The following FER1L5 variants were observed in gnomAD, a reference collection of about 807,000 sequenced individuals.
FER1L5 encodes fer-1-like protein 5.
In FER1L5, 187 loss-of-function variants were observed where a neutral mutation model predicts 279.9. That is an observed-to-expected ratio of 0.67 (90% confidence interval 0.59 to 0.75). The LOEUF (loss-of-function observed/expected upper bound fraction) is 0.75. Ranked by LOEUF, FER1L5 falls within the 30% of genes least tolerant of loss-of-function variation. FER1L5 has a pLI of 0.00. For synonymous variants in FER1L5, 921 were observed against 989.7 expected, an observed-to-expected ratio of 0.93 and a Z score of 1.30; for missense variants, 2,091 against 2,594.4, an observed-to-expected ratio of 0.81 and a Z score of 4.21.
intron 1 of FER1L5, among the ~76,000 whole-genome samples, chr2:96,643,474 G>A (rs983158797): frequency 5.3e-5 from 8 of 151,904 alleles, no homozygotes; most frequent in Non-Finnish European, 1.0e-4. Context: ...CTCACCCTCC[G>A]AAGTAGCTGG....
chr2:96,683,522 G>A (rs184401625), intron 19 of FER1L5, among the ~76,000 whole-genome samples: 1,432 of 143,160 alleles, frequency 0.01, 10 homozygotes, highest in Non-Finnish European at 0.015. Context: ...CCCAAATAAG[G>A]CCAGATGCTA....
chr2:96,653,284 AT>A (rs960944118), intron 7 of FER1L5: 2 of 257,154 alleles, frequency 7.8e-6, no homozygotes, highest in Non-Finnish European at 1.5e-5. Context: ...CAAGTTGAGT[AT>A]CCCTTACCCA....
At chr2:96,648,490 C>T (rs1002903545) in intron 4 of FER1L5, among the ~76,000 whole-genome samples, 3 of 152,188 alleles carry the variant, frequency 2.0e-5, no homozygotes, top group Non-Finnish European at 2.9e-5. Flanking sequence ...GAGCCCAAGG[C>T]GGGCCTCCCA....
Position 96,693,187 on chromosome 2 carries a change from G to GA in FER1L5, c.3293-307dup, listed in dbSNP as rs764665784. Among the ~76,000 whole-genome samples the GA allele has an allele frequency of 4.6e-3, 634 of 137,020 alleles. 4 individuals are homozygous for GA. The highest frequency in any genetic ancestry group is 5.1e-3 in the Non-Finnish European group (320 of 62,294). The allele number at this position is 137,020 out of a possible 152,430, so 89.9% of individuals were successfully genotyped here. ...GAAACTCTGACTCAAAAAAAAAAGA[G>GA]AAAAAAAAAAAAGGGCAGTCACAAG... is the stretch of plus-strand genomic sequence containing the variant. On this transcript the variant is annotated intron_variant, in intron 31 of 52. Transcript: ENST00000624922.
chr2:96,659,456 T>TCTTC (rs2075836475), intron 9 of FER1L5, among the ~76,000 whole-genome samples: 1 of 27,434 alleles, frequency 3.6e-5, no homozygotes, highest in East Asian at 7.9e-4. Context: ...TTTCTTTCTT[T>TCTTC]CTTTCTTTCT....
Position 96,691,221 on chromosome 2 carries a change from G to A in FER1L5, c.2775G>A (p.Ser925=), listed in dbSNP as rs570721694. Residue 925 remains serine (S), a synonymous_variant, in exon 28 of 53, where the codon TCG becomes TCA. Coordinates refer to ENST00000624922, the MANE Select transcript of FER1L5 (RefSeq NM_001293083.2). The surrounding 1 kb of genome is among the most constrained non-coding windows in gnomAD (Gnocchi z 6.0). ...AGTATGGAGTGGGGATCCCACCGTC[G>A]GGCCTGCCCCAGGTCTGGAGCCCGG... The part of the protein sequence containing the change: ...GWEYGVGIPP[S]GLPQVWSPVE... 6.5e-6 allele frequency: 10 copies of A among 1,549,952 alleles called. No individual in the cohort carries two copies. Among genetic ancestry groups the A allele is most frequent in the Non-Finnish European group, 8.7e-6 (10 of 1,146,732 alleles).
At chr2:96,668,470 G>A (rs1369742741) in intron 14 of FER1L5, among the ~76,000 whole-genome samples, 1 of 152,116 alleles carries the variant, frequency 6.6e-6, no homozygotes, top group East Asian at 1.9e-4. Context: ...AGAGGTGTAG[G>A]CTGTAGTGAG....
Position 96,653,531 on chromosome 2 carries a change from G to A in FER1L5, c.634-109G>A, listed in dbSNP as rs548731639. Reference sequence around the variant, plus strand: ...CTGTACTTGTAAACCCATTGAAATGGGTAAAGTTGTGGAAAGAAGCACATT... The same window carrying A: ...CTGTACTTGTAAACCCATTGAAATGAGTAAAGTTGTGGAAAGAAGCACATT... On this transcript the variant is annotated intron_variant, in intron 7 of 52. Transcript: ENST00000624922. 7.0e-6 allele frequency: 6 copies of A among 855,868 alleles called. No individual in the cohort carries two copies. The South Asian group carries it at 7.3e-5, about 10-fold the overall frequency. 53.0% of individuals were successfully genotyped at this position (855,868 alleles called of 1,614,324 possible). A position where few individuals can be genotyped will look rare whatever the true frequency, so the allele number is the denominator to read the frequency against.
chr2:96,675,414 T>C (rs1482468572), intron 19 of FER1L5, among the ~76,000 whole-genome samples: 1 of 152,146 alleles, frequency 6.6e-6, no homozygotes, highest in African/African-American at 2.4e-5. Context: ...CCAGCCTTTT[T>C]TAAAAAAATA....
Position 96,661,429 on chromosome 2 carries a change from G to T in FER1L5, c.883G>T (p.Asp295Tyr). The T allele has an allele frequency of 6.4e-7, 1 of 1,551,462 alleles. No homozygotes were observed. Among genetic ancestry groups the T allele is most frequent in the South Asian group, 1.2e-5 (1 of 84,050 alleles). ...CACCATCTATGCCCTCGGTGTGGGA[G>T]ACCAGGCCCTGGTGAGCTGCCCCTA... ...KVTIYALGVG[D>Y]QALIDQKLLY... is the part of the protein sequence containing the mutation. Residue 295 changes from aspartate to tyrosine, a missense_variant, in exon 11 of 53, where the codon GAC becomes TAC. Physicochemically the swap from Asp to Tyr is radical, Grantham distance 160. Coordinates refer to ENST00000624922, the MANE Select transcript of FER1L5 (RefSeq NM_001293083.2).
At position 96,646,373 on chromosome 2, in the gene FER1L5, C is replaced by T. The variant is rs1275397683; in HGVS notation, c.86-28C>T. 4 of 1,550,888 alleles carry T rather than the reference C, an allele frequency of 2.6e-6. No individual in the cohort carries two copies. The African/African-American group carries it at 5.5e-5, about 21-fold the overall frequency. On this transcript the variant is annotated intron_variant, in intron 1 of 52. Transcript: ENST00000624922. ...CAGACGTTGAAATATTTCCTACCAT[C>T]AATGCCAGCCTCTTGGTTTCTTTGC... is the stretch of plus-strand genomic sequence containing the variant.
Position 96,661,747 on chromosome 2 carries a change from C to A in FER1L5, c.974C>A (p.Ala325Asp), listed in dbSNP as rs771529643. The A allele has an allele frequency of 6.4e-7, 1 of 1,551,726 alleles. No homozygotes were observed. ...TCAGCGGTAGTCCCGATCAACATGG[C>A]TTACTTACAGCTCTTCATCTACTGC... ...FKSAVVPINM[A>D]YLQLFIYCAE... The change falls in exon 12 of 53, where the codon GCT (alanine) becomes GAT (aspartate). Residue 325 changes from alanine (A) to aspartate (D), a missense_variant. Transcript: ENST00000624922.
At chr2:96,679,349 G>T (rs1354987581) in intron 19 of FER1L5, among the ~76,000 whole-genome samples, 1 of 151,984 alleles carries the variant, frequency 6.6e-6, no homozygotes, top group Non-Finnish European at 1.5e-5. Flanking sequence ...TCAGCCTCCT[G>T]AGTAGCTGAG....
chr2:96,661,376 G>T lies in FER1L5; in HGVS notation c.830G>T (p.Gly277Val). The change falls in exon 11 of 53, where the codon GGC (glycine) becomes GTC (valine). Residue 277 changes from glycine (G) to valine (V), a missense_variant. Coordinates refer to ENST00000624922, the MANE Select transcript of FER1L5 (RefSeq NM_001293083.2). ...WLGLCQPNNP[G>V]SGVTGYLKVT... ...GGCCTCTGCCAGCCAAATAACCCTG[G>T]CAGTGGTGTGACAGGCTACCTGAAA... 1 of 1,551,650 alleles carries T rather than the reference G, an allele frequency of 6.4e-7. No homozygotes were observed. Among genetic ancestry groups the T allele is most frequent in the South Asian group, 1.2e-5 (1 of 84,058 alleles).
chr2:96,654,582 A>G, intron 9 of FER1L5, 86 bp downstream of exon 9: 1 of 396,870 alleles, frequency 2.5e-6, no homozygotes, highest in Non-Finnish European at 4.4e-6. Flanking sequence ...GTCTAGGGAA[A>G]AGGACTTGGA....
At chr2:96,647,700 G>C (rs1475039218) in intron 3 of FER1L5, 78 bp from the exon 4 acceptor site, 12 of 1,088,124 alleles carry the variant, frequency 1.1e-5, no homozygotes, top group Non-Finnish European at 1.6e-5. Flanking sequence ...ACCGTCTCTA[G>C]CTAAAGCCCT....
chr2:96,647,877 G>A lies in FER1L5; in HGVS notation c.330G>A (p.Lys110=), dbSNP rs1252690825. Residue 110 remains lysine, a synonymous_variant, in exon 4 of 53, where the codon AAG becomes AAA. Transcript: ENST00000624922. ...KDLTLLNHSM[K]PTDCTVTLQV... Reference sequence around the variant, plus strand: ...TGACCCTGCTCAACCATTCCATGAAGCCCACAGATGTGAGTCAGGCCCAGG... The same window carrying A: ...TGACCCTGCTCAACCATTCCATGAAACCCACAGATGTGAGTCAGGCCCAGG... The A allele has an allele frequency of 1.3e-6, 2 of 1,551,700 alleles. No individual in the cohort carries two copies. Among genetic ancestry groups the A allele is most frequent in the Admixed American group, 2.0e-5 (1 of 50,996 alleles).
chr2:96,689,126 C>T lies in FER1L5; in HGVS notation c.2362-87C>T. The T allele has an allele frequency of 6.9e-7, 1 of 1,445,964 alleles. No individual in the cohort carries two copies. Among genetic ancestry groups the T allele is most frequent in the Non-Finnish European group, 9.2e-7 (1 of 1,087,658 alleles). 89.6% of individuals were successfully genotyped at this position (1,445,964 alleles called of 1,614,324 possible). Reference sequence around the variant, plus strand: ...CCACATTTTTAGGATGCCCCTGCAGCCCAGAGTCAGGGGGCCCAGGGGAGG... The same window carrying T: ...CCACATTTTTAGGATGCCCCTGCAGTCCAGAGTCAGGGGGCCCAGGGGAGG... On this transcript the variant is annotated intron_variant, in intron 24 of 52. Transcript: ENST00000624922. The surrounding 1 kb of genome is among the most constrained non-coding windows in gnomAD (Gnocchi z 4.6).
chr2:96,704,192 A>G, intron 51 of FER1L5, 23 bp from the exon 52 acceptor site: 1 of 1,610,276 alleles, frequency 6.2e-7, no homozygotes, highest in Non-Finnish European at 8.5e-7. Context: ...CCATTCTCTG[A>G]CATCTCCCTG....
Sources: allele counts gnomAD v4.1 joint callset (sites outside exome capture counted in the v4.1 genomes callset), GRCh38; gene constraint gnomAD v4.1.1; non-coding constraint Gnocchi (gnomAD v3.1); transcripts MANE v1.5; gene names NCBI Gene and HGNC (gene_info 2026-07-23, HGNC 2026-07-21).